Variants in UGT1A10 observed in about 807,000 individuals in gnomAD.
UGT1A10 encodes the protein UDP-glucuronosyltransferase 1A10.
UGT1A10 carries 49 observed loss-of-function variants against 45.8 expected under a neutral mutation model. The ratio of observed to expected loss-of-function variants is 1.07; its 90% CI spans 0.85 to 1.36. The LOEUF is 1.36. Among genes scored for constraint, UGT1A10 ranks in the 40% most tolerant of loss-of-function variants. The pLI is 0.00. For missense variants in UGT1A10, 745 were observed against 668.6 expected, an observed-to-expected ratio of 1.11 and a Z score of -1.26; for synonymous variants, 284 against 249.7, an observed-to-expected ratio of 1.14 and a Z score of -1.29.
chr2:233,681,959 G>T, intron 1 of UGT1A10: 1 of 1,613,992 alleles, frequency 6.2e-7, no homozygotes, highest in Non-Finnish European at 8.5e-7. Flanking sequence ...AGGGTGGACT[G>T]GCCTCCTTCC....
chr2:233,765,271 A>T (rs1304943144), intron 1 of UGT1A10, among the ~76,000 whole-genome samples: 1 of 152,224 alleles, frequency 6.6e-6, no homozygotes, highest in Admixed American at 6.5e-5. Flanking sequence ...TACCCAAAGA[A>T]ATATAAATTA....
chr2:233,748,870 C>T (rs930859259), intron 1 of UGT1A10, among the ~76,000 whole-genome samples: 9 of 151,444 alleles, frequency 5.9e-5, no homozygotes, highest in Non-Finnish European at 1.0e-4. Flanking sequence ...AAGCTGGGGA[C>T]GGTGATGAAT....
chr2:233,672,931 G>T (rs2074245830), intron 1 of UGT1A10: 4 of 1,457,148 alleles, frequency 2.7e-6, no homozygotes, highest in African/African-American at 1.4e-5. Context: ...TTGTGCCAAT[G>T]CGTGTACTCG....
At chr2:233,690,666 G>A (rs564691258) in intron 1 of UGT1A10, 1 of 1,272,210 alleles carries the variant, frequency 7.9e-7, no homozygotes, top group South Asian at 1.3e-5. Context: ...ACCAACCAGG[G>A]CAGGCCTGGG....
intron 1 of UGT1A10, among the ~76,000 whole-genome samples, chr2:233,759,764 A>G (rs1348961231): frequency 6.6e-6 from 1 of 152,112 alleles, no homozygotes; most frequent in Non-Finnish European, 1.5e-5. Context: ...GACTCAATAA[A>G]TATTGTTGGA....
intron 1 of UGT1A10, among the ~76,000 whole-genome samples, chr2:233,675,980 A>C (rs1170078991): frequency 6.6e-6 from 1 of 152,216 alleles, no homozygotes; most frequent in African/African-American, 2.4e-5. Context: ...ACATCTTTCC[A>C]TACAGATCAA....
chr2:233,671,785 G>A (rs1338820730), intron 1 of UGT1A10: 2 of 1,404,394 alleles, frequency 1.4e-6, no homozygotes, highest in African/African-American at 2.9e-5. Flanking sequence ...TGTTCTTTTG[G>A]GTAAATCATT....
In UGT1A10 at chr2:233,636,803, C is replaced by A. The variant is rs1198943277; in HGVS notation, c.281C>A (p.Ala94Asp). ...EDQNREFMVF[A>D]HAQWKAQAQS... ...CAGAACCGGGAATTCATGGTTTTCG[C>A]CCATGCTCAATGGAAAGCACAGGCA... Residue 94 changes from alanine to aspartate, a missense_variant, in exon 1 of 5, where the codon GCC (alanine) becomes GAC (aspartate). Physicochemically the swap from Ala to Asp is moderately radical, Grantham distance 126. Coordinates refer to ENST00000344644, the MANE Select transcript of UGT1A10 (RefSeq NM_019075.4). The A allele has an allele frequency of 1.9e-6, 3 of 1,614,176 alleles. No individual in the cohort carries two copies. The Admixed American group carries it at 5.0e-5, about 27-fold the overall frequency.
chr2:233,752,178 G>A (rs941619397), intron 1 of UGT1A10, among the ~76,000 whole-genome samples: 2 of 152,178 alleles, frequency 1.3e-5, no homozygotes, highest in African/African-American at 4.8e-5. Flanking sequence ...GATGTAAGCT[G>A]AATTAAAATC....
rs768891851 is a variant in UGT1A10, at chr2:233,636,557, T to C, written c.35T>C (p.Leu12Ser). The C allele has an allele frequency of 1.9e-6, 3 of 1,614,124 alleles. No homozygotes were observed. Among genetic ancestry groups the C allele is most frequent in the Admixed American group, 3.3e-5 (2 of 60,018 alleles). ...ARAGWTSPVP[L>S]CVCLLLTCGF... ...GCAGGGTGGACCAGCCCCGTTCCTT[T>C]ATGTGTGTGTCTACTGCTGACCTGT... Residue 12 changes from leucine to serine, a missense_variant, in exon 1 of 5, where the codon TTA (leucine) becomes TCA (serine). Coordinates refer to ENST00000344644, the MANE Select transcript of UGT1A10 (RefSeq NM_019075.4).
At chr2:233,735,509 C>T (rs185084136) in intron 1 of UGT1A10, among the ~76,000 whole-genome samples, 17 of 152,270 alleles carry the variant, frequency 1.1e-4, no homozygotes, top group Middle Eastern at 3.4e-3. Flanking sequence ...AGCCCATTTA[C>T]ATTTAAGGTA....
chr2:233,657,582 T>C (rs2073883042), intron 1 of UGT1A10, among the ~76,000 whole-genome samples: 3 of 152,222 alleles, frequency 2.0e-5, no homozygotes, highest in Middle Eastern at 3.2e-3. Flanking sequence ...GTAACCCAGA[T>C]ACCTCCCACT....
chr2:233,669,597 A>G (rs905840974), intron 1 of UGT1A10, among the ~76,000 whole-genome samples: 2 of 152,160 alleles, frequency 1.3e-5, no homozygotes, highest in African/African-American at 4.8e-5. Flanking sequence ...GTTCATTGCT[A>G]GTACATTTGA....
At chr2:233,661,632 T>TTTCTTTCC (rs975038223) in intron 1 of UGT1A10, among the ~76,000 whole-genome samples, 1 of 121,306 alleles carries the variant, frequency 8.2e-6, no homozygotes, top group Non-Finnish European at 1.8e-5. Context: ...ATTTTCTTTC[T>TTTCTTTCC]TTCTTTCTTT....
chr2:233,646,846 C>T (rs548249740), intron 1 of UGT1A10, among the ~76,000 whole-genome samples: 2 of 152,354 alleles, frequency 1.3e-5, no homozygotes, highest in East Asian at 1.9e-4. Context: ...GTTCTAAAGT[C>T]CCTTCCACGT....
intron 1 of UGT1A10, chr2:233,681,750 A>C: frequency 1.2e-6 from 1 of 816,034 alleles, no homozygotes; most frequent in Non-Finnish European, 1.5e-6. Context: ...ACATATAAGC[A>C]GGTATCTCAG....
intron 1 of UGT1A10, among the ~76,000 whole-genome samples, chr2:233,665,722 T>C (rs534010186): frequency 2.6e-5 from 4 of 152,276 alleles, no homozygotes; most frequent in Non-Finnish European, 4.4e-5. Flanking sequence ...ATTTTTAAGA[T>C]GCAAAAATAT....
At chr2:233,690,650 T>C (rs45615240) in intron 1 of UGT1A10, 519,472 of 1,284,986 alleles carry the variant, frequency 0.4, 106,277 homozygotes, top group South Asian at 0.45. Context: ...CCTTGACTCC[T>C]ACAGCACCAA....
intron 1 of UGT1A10, among the ~76,000 whole-genome samples, chr2:233,655,580 T>C (rs546880666): frequency 1.3e-5 from 2 of 152,074 alleles, no homozygotes; most frequent in Non-Finnish European, 2.9e-5. Flanking sequence ...CTAGAAAAAC[T>C]GTTAGAAAGA....
Sources: allele counts gnomAD v4.1 joint callset (sites outside exome capture counted in the v4.1 genomes callset), GRCh38; gene constraint gnomAD v4.1.1; transcripts MANE v1.5; gene names NCBI Gene and HGNC (gene_info 2026-07-23, HGNC 2026-07-21).